The following DRAM2 variants were observed in gnomAD, a reference collection of about 807,000 sequenced individuals.
DRAM2 encodes DNA damage regulated autophagy modulator 2, also known as DNA damage-regulated autophagy modulator protein 2.
A neutral mutation model predicts 33.5 loss-of-function variants in DRAM2; 26 were observed. That is an observed-to-expected ratio of 0.78 (90% CI 0.57 to 1.08). The LOEUF is 1.08. Ranked by LOEUF, DRAM2 falls within the 50% of genes least tolerant of loss-of-function variation. The pLI is 0.00. For missense variants in DRAM2, 311 were observed against 318.1 expected, an observed-to-expected ratio of 0.98 and a Z score of 0.17; for synonymous variants, 98 against 109.5, an observed-to-expected ratio of 0.89 and a Z score of 0.66.
rs768522412 is a variant in DRAM2, at chr1:111,118,770, TCTGA to T, written c.693+31_693+34del. 4.6e-6 allele frequency: 7 copies of T among 1,519,774 alleles called. No homozygotes were observed. In the Admixed American group the frequency reaches 1.3e-4, roughly 27 times the overall value. The allele number at this position is 1,519,774 out of a possible 1,614,324, so 94.1% of individuals were successfully genotyped here. A position where few individuals can be genotyped will look rare whatever the true frequency, so the allele number is the denominator to read the frequency against. The stretch of plus-strand genomic sequence containing the variant: ...ACCTTCCTGGACTAAGAGAAGGAAG[TCTGA>T]CTGAATAAATCTAATATTGTGCCTT... On this transcript the variant is annotated intron_variant, in intron 9 of 9. Transcript: ENST00000484310.
At chr1:111,119,838 T>A in intron 8 of DRAM2, 39 bp downstream of exon 8, 1 of 1,491,564 alleles carries the variant, frequency 6.7e-7, no homozygotes, top group East Asian at 2.3e-5. Context: ...AATAACCATC[T>A]TTAATATAAA....
intron 3 of DRAM2, among the ~76,000 whole-genome samples, chr1:111,133,969 T>A: frequency 6.6e-6 from 1 of 152,230 alleles, no homozygotes; most frequent in East Asian, 1.9e-4. Flanking sequence ...CTTGTTTGGT[T>A]TTCTCATCCT....
At chr1:111,118,378 G>T in intron 9 of DRAM2, 111 bp from the exon 10 acceptor site, 1 of 701,246 alleles carries the variant, frequency 1.4e-6, no homozygotes. Flanking sequence ...CAATTCTAAT[G>T]GTAGTGAGAC....
chr1:111,127,591 G>A (rs1471326612), intron 4 of DRAM2, among the ~76,000 whole-genome samples: 1 of 152,120 alleles, frequency 6.6e-6, no homozygotes, highest in African/African-American at 2.4e-5. Context: ...ATCTTCAGGA[G>A]GAGGGAATAA....
chr1:111,124,873 T>C lies in DRAM2; in HGVS notation c.208A>G (p.Thr70Ala). The change falls in exon 6 of 10, where the codon ACC (threonine) becomes GCC (alanine). Residue 70 changes from threonine to alanine, a missense_variant. Physicochemically the swap from Thr to Ala is moderately conservative, Grantham distance 58. Transcript: ENST00000484310. ...ACTTGCTTATAACGAACATAAATGG[T>C]AGCAATGCCTGGGAAAAGATAATCC... ...LNIAAVLCIA[T>A]IYVRYKQVHA... 6.2e-7 allele frequency: 1 copy of C among 1,610,758 alleles called. No individual in the cohort carries two copies.
At chr1:111,123,973 T>A (rs535955531) in intron 6 of DRAM2, among the ~76,000 whole-genome samples, 1 of 152,288 alleles carries the variant, frequency 6.6e-6, no homozygotes, top group South Asian at 2.1e-4. Flanking sequence ...AAACCCCTTT[T>A]CCTATAAATC....
At chr1:111,126,099 C>A in intron 5 of DRAM2, 128 bp downstream of exon 5, 1 of 621,026 alleles carries the variant, frequency 1.6e-6, no homozygotes, top group South Asian at 2.3e-5. Flanking sequence ...TAATTATGAT[C>A]AATTATTTAG....
At chr1:111,136,384 G>A (rs1653145064) in intron 3 of DRAM2, among the ~76,000 whole-genome samples, 1 of 152,130 alleles carries the variant, frequency 6.6e-6, no homozygotes, top group African/African-American at 2.4e-5. Flanking sequence ...GGCCAGCACG[G>A]TGAAACCCAG....
chr1:111,131,610 G>C (rs925519593), intron 3 of DRAM2, 42 bp from the exon 4 acceptor site: 44 of 1,602,016 alleles, frequency 2.7e-5, no homozygotes, highest in Admixed American at 5.1e-5. Flanking sequence ...ATTCACAAGA[G>C]TTTCCTCATC....
Position 111,117,178 on chromosome 1 carries a change from G to C in DRAM2, c.*982C>G, listed in dbSNP as rs1471356459. On this transcript the variant is annotated 3_prime_UTR_variant, in exon 10 of 10. Coordinates refer to ENST00000484310, the MANE Select transcript of DRAM2 (RefSeq NM_001349884.2). ...TAGATGCATGTATCACACTTATTTT[G>C]CATGTAGTTTAATTGGATTGCCAAT... Among the ~76,000 whole-genome samples the C allele has an allele frequency of 2.0e-5, 3 of 152,026 alleles. No individual in the cohort carries two copies. The highest frequency in any genetic ancestry group is 3.8e-4 in the East Asian group (2 of 5,196).
chr1:111,139,959 C>G (rs1351058026), intron 1 of DRAM2, 79 bp downstream of exon 1: 1 of 152,454 alleles, frequency 6.6e-6, no homozygotes, highest in Non-Finnish European at 1.5e-5. Flanking sequence ...GCTGCCAGAT[C>G]CCACCCTCTG....
intron 2 of DRAM2, among the ~76,000 whole-genome samples, chr1:111,138,209 C>T (rs1475159154): frequency 6.6e-6 from 1 of 152,142 alleles, no homozygotes; most frequent in Non-Finnish European, 1.5e-5. Context: ...ATTCGTATCT[C>T]CTTAGGCTTT....
chr1:111,123,304 G>A lies in DRAM2; in HGVS notation c.339+1438C>T, dbSNP rs542760630. Among the ~76,000 whole-genome samples, 9 of 152,150 alleles carry A rather than the reference G, an allele frequency of 5.9e-5. 1 individual carries two copies. The South Asian group carries it at 1.9e-3, about 32-fold the overall frequency. On this transcript the variant is annotated intron_variant, in intron 6 of 9. Transcript: ENST00000484310. ...CATTTTTTCTGACCTGTGCACACCC[G>A]CTGCACCCCCATATCTAGCAAACAT...
intron 3 of DRAM2, among the ~76,000 whole-genome samples, chr1:111,134,667 A>G: frequency 6.6e-6 from 1 of 150,740 alleles, no homozygotes; most frequent in South Asian, 2.1e-4. Flanking sequence ...TAATTTTTTC[A>G]TTTTTCATCT....
At chr1:111,126,706 T>A (rs183796489) in intron 4 of DRAM2, among the ~76,000 whole-genome samples, 1 of 152,288 alleles carries the variant, frequency 6.6e-6, no homozygotes, top group Non-Finnish European at 1.5e-5. Context: ...AATTAACGCC[T>A]ATTCACCTAC....
In DRAM2 at chr1:111,124,804, T is replaced by C; in HGVS notation, c.277A>G (p.Lys93Glu). 1.9e-6 allele frequency: 3 copies of C among 1,613,618 alleles called. No homozygotes were observed. The highest frequency in any genetic ancestry group is 2.5e-6 in the Non-Finnish European group (3 of 1,179,750). ...PEENVIIKLN[K>E]AGLVLGILSC... ...AGTATTCCAAGTACAAGGCCAGCCT[T>C]GTTTAATTTGATGATAACGTTCTCT... is the stretch of plus-strand genomic sequence containing the variant. Residue 93 changes from lysine (K) to glutamate (E), a missense_variant, in exon 6 of 10, where the codon AAG (lysine) becomes GAG (glutamate). Transcript: ENST00000484310.
At chr1:111,118,738 T>G in intron 9 of DRAM2, 67 bp downstream of exon 9, 2 of 1,258,974 alleles carry the variant, frequency 1.6e-6, no homozygotes, top group Non-Finnish European at 2.2e-6. Context: ...GAAAGTTCTC[T>G]TAGTCTACCT....
chr1:111,137,689 T>C (rs1325006672), intron 2 of DRAM2, 103 bp from the exon 3 acceptor site: 1 of 152,240 alleles, frequency 6.6e-6, no homozygotes, highest in Non-Finnish European at 1.5e-5. Flanking sequence ...ATGGGCAGAA[T>C]ACTAGGCTAC....
At chr1:111,130,867 C>T (rs1414666795) in intron 4 of DRAM2, among the ~76,000 whole-genome samples, 1 of 150,786 alleles carries the variant, frequency 6.6e-6, no homozygotes, top group African/African-American at 2.4e-5. Flanking sequence ...ATCAGCTGGG[C>T]GTAGTGATGC....
Sources: gnomAD v4.1 joint callset for allele counts (sites outside exome capture counted in the v4.1 genomes callset) on GRCh38, gnomAD v4.1.1 for gene constraint, MANE v1.5 for transcripts, NCBI Gene and HGNC (gene_info 2026-07-23, HGNC 2026-07-21) for gene names.